The following DHRSX variants were observed in gnomAD, a reference collection of about 807,000 sequenced individuals.
DHRSX encodes the protein polyprenol dehydrogenase.
DHRSX carries 31 observed loss-of-function variants against 34.0 expected under a neutral mutation model. That is an observed-to-expected ratio of 0.91 (90% CI 0.69 to 1.23). The LOEUF is 1.23. Among genes scored for constraint, DHRSX ranks in the 50% most tolerant of loss-of-function variants. DHRSX has a pLI of 0.00. For synonymous variants in DHRSX, 201 were observed against 183.8 expected (o/e 1.09, Z -0.76); for missense variants, 414 against 428.1 (o/e 0.97, Z 0.29).
chrX:2,357,153 A>C (rs1341227601), intron 3 of DHRSX, among the ~76,000 whole-genome samples: 1 of 152,172 alleles, frequency 6.6e-6, no homozygotes, highest in African/African-American at 2.4e-5. Context: ...CTGAGGCAGG[A>C]GAATCGCTTG....
Position 2,425,196 on chromosome X carries a change from C to T in DHRSX, c.217+1G>A. The T allele has an allele frequency of 6.2e-7, 1 of 1,606,050 alleles. No individual in the cohort carries two copies. Among genetic ancestry groups the T allele is most frequent in the Non-Finnish European group, 8.5e-7 (1 of 1,173,424 alleles). ...ACACAAGTAACTGTAAAAGTCATCA[C>T]CTATGATAACATGCATGCCAAGTCT... On this transcript the variant is annotated splice_donor_variant, in intron 2 of 6. Coordinates refer to ENST00000334651, the MANE Select transcript of DHRSX (RefSeq NM_145177.3). LOFTEE classifies it high-confidence loss of function.
intron 1 of DHRSX, among the ~76,000 whole-genome samples, chrX:2,467,504 A>T (rs2044514843): frequency 6.8e-6 from 1 of 147,916 alleles, no homozygotes; most frequent in African/African-American, 2.4e-5. Flanking sequence ...GCGGCACACC[A>T]AACACCAGAA....
chrX:2,423,462 C>T (rs2043806553), intron 2 of DHRSX, among the ~76,000 whole-genome samples: 1 of 151,890 alleles, frequency 6.6e-6, no homozygotes, highest in African/African-American at 2.4e-5. Flanking sequence ...CATGGTGGTG[C>T]ACGCCTGTCA....
chrX:2,399,856 G>T (rs1194763578), intron 3 of DHRSX, among the ~76,000 whole-genome samples: 2 of 150,702 alleles, frequency 1.3e-5, no homozygotes, highest in Non-Finnish European at 2.9e-5. Flanking sequence ...GACATAATGA[G>T]ACCCCGTCTC....
intron 6 of DHRSX, among the ~76,000 whole-genome samples, chrX:2,238,749 A>G (rs2016074422): frequency 7.0e-6 from 1 of 142,908 alleles, no homozygotes; most frequent in Non-Finnish European, 1.6e-5. Flanking sequence ...ACACTCGGCT[A>G]ATTTTTTTTT....
intron 3 of DHRSX, among the ~76,000 whole-genome samples, chrX:2,300,905 T>A (rs887641330): frequency 2.0e-5 from 3 of 152,212 alleles, no homozygotes; most frequent in African/African-American, 7.2e-5. Flanking sequence ...CTTTTTAATG[T>A]TTAATTTTAT....
chrX:2,298,314 GGT>G (rs1491179975), intron 3 of DHRSX, among the ~76,000 whole-genome samples: 1 of 126,114 alleles, frequency 7.9e-6, no homozygotes, highest in African/African-American at 3.9e-5. Flanking sequence ...CCCCAGTTTT[GGT>G]GTTTTTTTTT....
At chrX:2,449,466 T>C (rs886270537) in intron 1 of DHRSX, among the ~76,000 whole-genome samples, 9 of 152,112 alleles carry the variant, frequency 5.9e-5, no homozygotes, top group Non-Finnish European at 1.2e-4. Context: ...GGGACACTGA[T>C]TTTCATATTG....
At chrX:2,489,791 G>A (rs780897539) in intron 1 of DHRSX, 25 of 1,613,296 alleles carry the variant, frequency 1.5e-5, no homozygotes, top group Non-Finnish European at 1.9e-5. Context: ...CGACAGCAGC[G>A]CCCCCAGCTT....
At chrX:2,366,238 T>C (rs2042992749) in intron 3 of DHRSX, among the ~76,000 whole-genome samples, 1 of 152,060 alleles carries the variant, frequency 6.6e-6, no homozygotes, top group South Asian at 2.1e-4. Flanking sequence ...GGTCAGGAAT[T>C]TGAGACCAGC....
At chrX:2,335,742 G>A (rs897419929) in intron 3 of DHRSX, among the ~76,000 whole-genome samples, 26 of 150,634 alleles carry the variant, frequency 1.7e-4, no homozygotes, top group Admixed American at 7.3e-4. Flanking sequence ...GTGAGCCACC[G>A]CACCTGGCCA....
At chrX:2,458,367 A>G (rs1457533085) in intron 1 of DHRSX, among the ~76,000 whole-genome samples, 5 of 152,144 alleles carry the variant, frequency 3.3e-5, no homozygotes, top group Non-Finnish European at 2.9e-5. Context: ...CTGCCCATCA[A>G]TGGCATACCT....
At chrX:2,397,318 G>A (rs1261543284) in intron 3 of DHRSX, among the ~76,000 whole-genome samples, 1 of 152,050 alleles carries the variant, frequency 6.6e-6, no homozygotes, top group Admixed American at 6.6e-5. Context: ...ATATTTTGTA[G>A]AGACGGAGTC....
intron 5 of DHRSX, among the ~76,000 whole-genome samples, chrX:2,259,144 A>G (rs1336574031): frequency 6.6e-6 from 1 of 151,902 alleles, no homozygotes; most frequent in Non-Finnish European, 1.5e-5. Context: ...GTGATGGCGC[A>G]TGCCTGTAAT....
At chrX:2,240,068 G>A (rs1342898961) in intron 6 of DHRSX, among the ~76,000 whole-genome samples, 3 of 151,602 alleles carry the variant, frequency 2.0e-5, no homozygotes, top group Non-Finnish European at 2.9e-5. Context: ...CGAGGTGGGC[G>A]GATCACCCGA....
intron 3 of DHRSX, among the ~76,000 whole-genome samples, chrX:2,350,231 G>C (rs35463644): frequency 6.6e-6 from 1 of 151,228 alleles, no homozygotes; most frequent in Non-Finnish European, 1.5e-5. Flanking sequence ...GGTGCCTGTA[G>C]TCTCAGCTAC....
chrX:2,334,917 C>A (rs988450239), intron 3 of DHRSX: 3 of 152,074 alleles, frequency 2.0e-5, no homozygotes, highest in Non-Finnish European at 4.4e-5. Flanking sequence ...TGGTGGCTCA[C>A]GCCTGTAATC....
chrX:2,480,516 TA>T (rs11361866), intron 1 of DHRSX, among the ~76,000 whole-genome samples: 59,339 of 141,376 alleles, frequency 0.42, 12,395 homozygotes, highest in Middle Eastern at 0.53. Flanking sequence ...ACCGCATCTT[TA>T]AAAAAAAAAA....
intron 1 of DHRSX, among the ~76,000 whole-genome samples, chrX:2,467,333 C>T (rs55870101): frequency 0.046 from 6,988 of 152,112 alleles, 276 homozygotes; most frequent in South Asian, 0.16. Context: ...AACAGCTTAG[C>T]GTCCACTGCA....
Sources: allele counts gnomAD v4.1 joint callset (sites outside exome capture counted in the v4.1 genomes callset), GRCh38; gene constraint gnomAD v4.1.1; transcripts MANE v1.5; gene names NCBI Gene and HGNC (gene_info 2026-07-23, HGNC 2026-07-21).